Variants in MGAT5B observed in about 807,000 individuals in gnomAD.
MGAT5B encodes N-acetylglucosaminyl-transferase Vb.
MGAT5B carries 54 observed loss-of-function variants against 95.1 expected under a neutral mutation model. The observed-to-expected ratio is 0.57, with a 90% CI of 0.46 to 0.71. MGAT5B has a LOEUF of 0.71. Among genes scored for constraint, MGAT5B ranks in the 30% least tolerant of loss-of-function variants. The pLI is 0.00. For synonymous variants in MGAT5B, 464 were observed against 451.0 expected, an observed-to-expected ratio of 1.03 and a Z score of -0.36; for missense variants, 935 against 1,088.6, an observed-to-expected ratio of 0.86 and a Z score of 1.99.
chr17:76,927,538 G>A (rs1268772416), intron 10 of MGAT5B, among the ~76,000 whole-genome samples: 1 of 152,138 alleles, frequency 6.6e-6, no homozygotes, highest in African/African-American at 2.4e-5. Flanking sequence ...CCGTGCCCGG[G>A]TTTCAGCTGT....
Position 76,882,311 on chromosome 17 carries a change from G to T in MGAT5B, c.329+13G>T. 1 of 1,601,986 alleles carries T rather than the reference G, an allele frequency of 6.2e-7. No homozygotes were observed. The highest frequency in any genetic ancestry group is 8.5e-7 in the Non-Finnish European group (1 of 1,175,150). ...TTCCCGCAGACAGGTGAGGGGACGT[G>T]GGGAGGAGGCACACGGAGCAGGGGA... is the stretch of plus-strand genomic sequence containing the variant. On this transcript the variant is annotated intron_variant, in intron 3 of 17. Coordinates refer to ENST00000569840, the MANE Select transcript of MGAT5B (RefSeq NM_001199172.2).
chr17:76,884,826 T>G (rs1011328593), intron 3 of MGAT5B, among the ~76,000 whole-genome samples: 9 of 152,116 alleles, frequency 5.9e-5, no homozygotes, highest in Non-Finnish European at 1.3e-4. Context: ...ATGGTCTTGA[T>G]CTCTTGACCT....
chr17:76,876,964 C>T (rs1382284697), intron 2 of MGAT5B, among the ~76,000 whole-genome samples: 1 of 152,144 alleles, frequency 6.6e-6, no homozygotes, highest in Non-Finnish European at 1.5e-5. Flanking sequence ...TCGCCTAGGC[C>T]TCCTTCCCCA....
intron 3 of MGAT5B, among the ~76,000 whole-genome samples, chr17:76,883,483 C>T (rs556068625): frequency 1.3e-5 from 2 of 152,278 alleles, no homozygotes; most frequent in South Asian, 4.1e-4. Context: ...CCCAGGGACA[C>T]ATGAGGTGTG....
intron 2 of MGAT5B, among the ~76,000 whole-genome samples, chr17:76,879,441 T>A (rs1967323270): frequency 6.6e-6 from 1 of 152,210 alleles, no homozygotes; most frequent in African/African-American, 2.4e-5. Flanking sequence ...GTGAGACACC[T>A]TATGGGATGA....
chr17:76,924,877 A>G (rs1969248442), intron 8 of MGAT5B, 89 bp from the exon 9 acceptor site: 1 of 1,489,206 alleles, frequency 6.7e-7, no homozygotes, highest in Non-Finnish European at 9.3e-7. Flanking sequence ...CTGCACTTGT[A>G]CAGTTCATTC....
At chr17:76,939,686 T>C (rs4789384) in intron 13 of MGAT5B, among the ~76,000 whole-genome samples, 78,279 of 151,814 alleles carry the variant, frequency 0.52, 20,543 homozygotes, top group African/African-American at 0.54. Context: ...CTCCCCACTC[T>C]GGGAGTCCCC....
chr17:76,892,299 C>T (rs584291), intron 3 of MGAT5B, among the ~76,000 whole-genome samples: 22,256 of 152,290 alleles, frequency 0.15, 2,318 homozygotes, highest in African/African-American at 0.29. Context: ...CCGCCCGCCC[C>T]GGCCTCCCAA....
intron 3 of MGAT5B, 39 bp from the exon 4 acceptor site, chr17:76,902,516 G>A (rs485153): frequency 0.097 from 144,404 of 1,490,126 alleles, 8,826 homozygotes; most frequent in Admixed American, 0.26. Context: ...AGGTCACCCC[G>A]GCCGGTTCTG....
chr17:76,905,375 C>T lies in MGAT5B; in HGVS notation c.855+42C>T. The T allele has an allele frequency of 6.6e-7, 1 of 1,513,294 alleles. No homozygotes were observed. The highest frequency in any genetic ancestry group is 8.9e-7 in the Non-Finnish European group (1 of 1,125,624). The allele number at this position is 1,513,294 out of a possible 1,614,324, so 93.7% of individuals were successfully genotyped here. A position where few individuals can be genotyped will look rare whatever the true frequency, so the allele number is the denominator to read the frequency against. On this transcript the variant is annotated intron_variant, in intron 7 of 17. Transcript: ENST00000569840. The surrounding 1 kb of genome is among the most constrained non-coding windows in gnomAD (Gnocchi z 4.2). ...CCCTCATGTGCAGGAGCTGAGAAAG[C>T]TCAGGGCCCCCACTTCTGAGTGGGC...
chr17:76,885,055 A>T (rs1369677383), intron 3 of MGAT5B, among the ~76,000 whole-genome samples: 1 of 152,096 alleles, frequency 6.6e-6, no homozygotes, highest in East Asian at 1.9e-4. Context: ...TTTATTTTTT[A>T]AAAAGATCAT....
At position 76,930,372 on chromosome 17, in the gene MGAT5B, C is replaced by T. The variant is rs1340969774; in HGVS notation, c.1292-2273C>T. On this transcript the variant is annotated intron_variant, in intron 10 of 17. Transcript: ENST00000569840. This position sits in a 1 kb window ranked among gnomAD's most constrained non-coding sequence, Gnocchi z 4.1. ...AAAGCATGCATCCCAATTGGAGAAA[C>T]GTTAAAATGTGGGGGATGTGCATTC... is the stretch of plus-strand genomic sequence containing the variant. Among the ~76,000 whole-genome samples the T allele has an allele frequency of 1.3e-5, 2 of 152,026 alleles. No individual in the cohort carries two copies. The highest frequency in any genetic ancestry group is 3.2e-3 in the Middle Eastern group (1 of 314).
At chr17:76,897,252 C>A (rs567750072) in intron 3 of MGAT5B, among the ~76,000 whole-genome samples, 1 of 152,246 alleles carries the variant, frequency 6.6e-6, no homozygotes, top group African/African-American at 2.4e-5. Context: ...AAAACCATTT[C>A]CCCTCAGTTC....
intron 9 of MGAT5B, among the ~76,000 whole-genome samples, chr17:76,925,534 C>T (rs954632030): frequency 8.6e-5 from 13 of 151,786 alleles, no homozygotes; most frequent in African/African-American, 2.7e-4. Flanking sequence ...CCAAGGCCAT[C>T]GCTCCCTGTC....
intron 15 of MGAT5B, among the ~76,000 whole-genome samples, chr17:76,943,627 G>GC (rs147464587): frequency 1.4e-5 from 2 of 145,072 alleles, no homozygotes; most frequent in African/African-American, 5.1e-5. Flanking sequence ...GTGGGGTGGG[G>GC]GGGGGGTCTC....
At position 76,869,512 on chromosome 17, in the gene MGAT5B, C is replaced by T. The variant is rs1015331563; in HGVS notation, c.68+415C>T. 6.6e-6 allele frequency among the ~76,000 whole-genome samples: 1 copy of T among 152,188 alleles called. No individual in the cohort carries two copies. Among genetic ancestry groups the T allele is most frequent in the East Asian group, 1.9e-4 (1 of 5,182 alleles). On this transcript the variant is annotated intron_variant, in intron 1 of 17. Coordinates refer to ENST00000569840, the MANE Select transcript of MGAT5B (RefSeq NM_001199172.2). The surrounding 1 kb of genome is among the most constrained non-coding windows in gnomAD (Gnocchi z 7.0). ...CGCCTTGGAGCTCCCCCTCCGGTCC[C>T]TCCCGTCCCGCCCGTCTGCCCCTAG...
At chr17:76,911,909 T>TGGCAG (rs1968750221) in intron 8 of MGAT5B, among the ~76,000 whole-genome samples, 1 of 152,236 alleles carries the variant, frequency 6.6e-6, no homozygotes, top group Middle Eastern at 3.4e-3. Flanking sequence ...AGCCAGGTTT[T>TGGCAG]GGCAGGGCAG....
chr17:76,928,025 G>A (rs1969368671), intron 10 of MGAT5B, among the ~76,000 whole-genome samples: 1 of 152,128 alleles, frequency 6.6e-6, no homozygotes, highest in South Asian at 2.1e-4. Context: ...CTAGACTCTA[G>A]GCTATATTAG....
chr17:76,940,279 T>A lies in MGAT5B; in HGVS notation c.1585-123T>A, dbSNP rs1238452286. On this transcript the variant is annotated intron_variant, in intron 13 of 17. Transcript: ENST00000569840. The surrounding 1 kb of genome is among the most constrained non-coding windows in gnomAD (Gnocchi z 4.3). ...CACATAACAGGCTGAGCAAAAATAA[T>A]CGCTCCAGGCCCAGCTGCCTCCTGT... The A allele has an allele frequency of 8.1e-7, 1 of 1,229,784 alleles. No individual in the cohort carries two copies. The highest frequency in any genetic ancestry group is 2.6e-5 in the East Asian group (1 of 38,468). 76.2% of individuals were successfully genotyped at this position (1,229,784 alleles called of 1,614,324 possible). A position where few individuals can be genotyped will look rare whatever the true frequency, so the allele number is the denominator to read the frequency against.
Sources: gnomAD v4.1 joint callset for allele counts (sites outside exome capture counted in the v4.1 genomes callset) on GRCh38, gnomAD v4.1.1 for gene constraint, Gnocchi (gnomAD v3.1) non-coding constraint, MANE v1.5 for transcripts, NCBI Gene and HGNC (gene_info 2026-07-23, HGNC 2026-07-21) for gene names.